ITGA9: variants seen among roughly 807,000 people sequenced by gnomAD.
ITGA9 encodes the protein integrin subunit alpha 9.
A neutral mutation model predicts 127.8 loss-of-function variants in ITGA9; 56 were observed. That is an observed-to-expected ratio of 0.44 (90% confidence interval 0.35 to 0.55). ITGA9 has a LOEUF of 0.55. Among genes scored for constraint, ITGA9 ranks in the 20% least tolerant of loss-of-function variants. The pLI, the probability that ITGA9 is intolerant of heterozygous loss-of-function variation, is 0.00. For missense variants in ITGA9, 1,196 were observed against 1,347.1 expected (o/e 0.89, Z 1.76); for synonymous variants, 508 against 514.5 (o/e 0.99, Z 0.17).
At chr3:37,479,714 A>G (rs1406747674) in intron 3 of ITGA9, among the ~76,000 whole-genome samples, 1 of 152,180 alleles carries the variant, frequency 6.6e-6, no homozygotes, top group Non-Finnish European at 1.5e-5. Context: ...CCTCTCAGGT[A>G]GGAATGAGAA....
intron 17 of ITGA9, among the ~76,000 whole-genome samples, chr3:37,683,519 T>C (rs1700752880): frequency 6.6e-6 from 1 of 152,246 alleles, no homozygotes; most frequent in South Asian, 2.1e-4. Context: ...GAGTAGTGGC[T>C]GGCACATGGT....
chr3:37,471,234 C>A (rs1222839052), intron 2 of ITGA9, 100 bp downstream of exon 2: 3 of 1,217,244 alleles, frequency 2.5e-6, no homozygotes, highest in Non-Finnish European at 3.7e-6. Flanking sequence ...ACCCATCCAT[C>A]CTTCCCTCCT....
At chr3:37,658,352 T>C (rs2125649995) in intron 17 of ITGA9, among the ~76,000 whole-genome samples, 1 of 152,326 alleles carries the variant, frequency 6.6e-6, no homozygotes, top group East Asian at 1.9e-4. Context: ...GAACTTGCTT[T>C]ATGAATCTGT....
chr3:37,660,448 T>C (rs1700522421), intron 17 of ITGA9, among the ~76,000 whole-genome samples: 1 of 152,248 alleles, frequency 6.6e-6, no homozygotes, highest in African/African-American at 2.4e-5. Flanking sequence ...CATTAGTGGA[T>C]GATCAAATCC....
chr3:37,581,685 T>C (rs912222646), intron 15 of ITGA9, among the ~76,000 whole-genome samples: 1 of 152,234 alleles, frequency 6.6e-6, no homozygotes, highest in African/African-American at 2.4e-5. Flanking sequence ...ACCCCTGATA[T>C]CCACCTTGTT....
intron 26 of ITGA9, among the ~76,000 whole-genome samples, chr3:37,795,052 G>A (rs977754909): frequency 4.6e-5 from 7 of 152,060 alleles, no homozygotes; most frequent in African/African-American, 9.7e-5. Flanking sequence ...AATCAGAATC[G>A]GGTGGAAATG....
chr3:37,604,370 A>G (rs1233067473), intron 15 of ITGA9, among the ~76,000 whole-genome samples: 1 of 152,254 alleles, frequency 6.6e-6, no homozygotes. Context: ...GTTAAACTCA[A>G]TTACAGAGAT....
chr3:37,570,699 CCTTTTT>C (rs1398792207), intron 15 of ITGA9, among the ~76,000 whole-genome samples: 24 of 152,190 alleles, frequency 1.6e-4, no homozygotes, highest in African/African-American at 5.8e-4. Context: ...TTATTTTAAT[CCTTTTT>C]CTTTTTAACT....
chr3:37,625,966 C>T lies in ITGA9; in HGVS notation c.1690-3221C>T, dbSNP rs72857241. ...CAGACTTCTTAATTAAAATAGGTTC[C>T]GGCAGCCATTGCCAGGAAGCAGCAT... On this transcript the variant is annotated intron_variant, in intron 15 of 27. Coordinates refer to ENST00000264741, the MANE Select transcript of ITGA9 (RefSeq NM_002207.3). 4.6e-3 allele frequency among the ~76,000 whole-genome samples: 695 copies of T among 152,174 alleles called. 5 individuals carry two copies. The highest frequency in any genetic ancestry group is 0.016 in the African/African-American group (667 of 41,528).
At chr3:37,687,453 A>G (rs1343938808) in intron 18 of ITGA9, among the ~76,000 whole-genome samples, 1 of 152,252 alleles carries the variant, frequency 6.6e-6, no homozygotes, top group Non-Finnish European at 1.5e-5. Flanking sequence ...TGGTTCCAGA[A>G]TAATTGGAAC....
chr3:37,553,522 T>C (rs1333265954), intron 15 of ITGA9, among the ~76,000 whole-genome samples: 1 of 152,254 alleles, frequency 6.6e-6, no homozygotes, highest in Non-Finnish European at 1.5e-5. Context: ...TACCACAGAA[T>C]ACTTGTGTCC....
chr3:37,460,083 C>T lies in ITGA9; in HGVS notation c.185+7524C>T, dbSNP rs185468176. On this transcript the variant is annotated intron_variant, in intron 1 of 27. Transcript: ENST00000264741. Reference sequence around the variant, plus strand: ...GCAATATTCCATGTATCCCTCTAACCTCCTGGGGCTGCTTTGTTACTATCC... The same window carrying T: ...GCAATATTCCATGTATCCCTCTAACTTCCTGGGGCTGCTTTGTTACTATCC... Among the ~76,000 whole-genome samples, 42 of 152,240 alleles carry T rather than the reference C, an allele frequency of 2.8e-4. No individual in the cohort carries two copies. The East Asian group carries it at 7.9e-3, about 29-fold the overall frequency.
chr3:37,495,628 G>A (rs947256848), intron 5 of ITGA9, among the ~76,000 whole-genome samples: 5 of 152,164 alleles, frequency 3.3e-5, no homozygotes, highest in African/African-American at 1.2e-4. Context: ...TTCTAGAAAG[G>A]CCACCACCAT....
intron 15 of ITGA9, among the ~76,000 whole-genome samples, chr3:37,596,051 C>A (rs187301918): frequency 1.6e-4 from 25 of 152,326 alleles, no homozygotes; most frequent in Admixed American, 6.5e-4. Flanking sequence ...CAGACATAGA[C>A]CTTACCCTTC....
chr3:37,667,208 C>T (rs1027810648), intron 17 of ITGA9, among the ~76,000 whole-genome samples: 1 of 152,160 alleles, frequency 6.6e-6, no homozygotes, highest in African/African-American at 2.4e-5. Context: ...GACATGGAGG[C>T]TTCTTCCCAT....
intron 15 of ITGA9, among the ~76,000 whole-genome samples, chr3:37,557,809 AAAAAT>A (rs1163595553): frequency 2.0e-5 from 3 of 152,196 alleles, no homozygotes; most frequent in African/African-American, 7.2e-5. Context: ...CTACATATAT[AAAAAT>A]AAAATAAAAT....
intron 14 of ITGA9, among the ~76,000 whole-genome samples, chr3:37,538,325 G>A (rs1699231667): frequency 6.6e-6 from 1 of 152,222 alleles, no homozygotes; most frequent in South Asian, 2.1e-4. Flanking sequence ...CCTGGCCCAG[G>A]CCCGTGCAGG....
intron 14 of ITGA9, among the ~76,000 whole-genome samples, chr3:37,534,208 A>G (rs1699186037): frequency 6.6e-6 from 1 of 152,106 alleles, no homozygotes; most frequent in Admixed American, 6.6e-5. Context: ...TTTATTTAAA[A>G]GGCTGATTTA....
At chr3:37,608,983 A>G (rs976943947) in intron 15 of ITGA9, among the ~76,000 whole-genome samples, 1 of 152,156 alleles carries the variant, frequency 6.6e-6, no homozygotes, top group Non-Finnish European at 1.5e-5. Context: ...ATGCTGCAGT[A>G]AAGTATGGGT....
Sources: allele counts gnomAD v4.1 joint callset (sites outside exome capture counted in the v4.1 genomes callset), GRCh38; gene constraint gnomAD v4.1.1; transcripts MANE v1.5; gene names NCBI Gene and HGNC (gene_info 2026-07-23, HGNC 2026-07-21).